The following ROPN1L variants were observed in gnomAD, a reference collection of about 807,000 sequenced individuals.
ROPN1L encodes rhophilin associated tail protein 1 like.
In ROPN1L, 23 loss-of-function variants were observed where a neutral mutation model predicts 22.7. The observed-to-expected ratio is 1.01, with a 90% CI of 0.73 to 1.43. The LOEUF (loss-of-function observed/expected upper bound fraction) is 1.43, where lower values mean the gene tolerates loss of function less well. Ranked by LOEUF, ROPN1L falls within the 40% of genes most tolerant of loss-of-function variation. The pLI is 0.00. For missense variants in ROPN1L, 271 were observed against 291.5 expected (o/e 0.93, Z 0.51); for synonymous variants, 116 against 117.8 (o/e 0.98, Z 0.10).
At chr5:10,466,228 T>G (rs897390578), downstream of ROPN1L, among the ~76,000 whole-genome samples, 28 of 152,328 alleles carry the variant, frequency 1.8e-4, no homozygotes, top group Non-Finnish European at 3.8e-4. Context: ...TGGGCCCCTC[T>G]AAAACTTAGA....
the ROPN1L span, among the ~76,000 whole-genome samples, chr5:10,477,852 C>A: frequency 2.4e-4 from 36 of 152,234 alleles, no homozygotes; most frequent in African/African-American, 8.4e-4. Context: ...ATCACTTGAG[C>A]CCGGGAGGCA....
chr5:10,472,864 A>G (rs990847505), downstream of ROPN1L, among the ~76,000 whole-genome samples: 1 of 152,220 alleles, frequency 6.6e-6, no homozygotes, highest in African/African-American at 2.4e-5. Context: ...TTAAGTTCCT[A>G]GTCCAACACC....
At chr5:10,468,363 C>T (rs149324777), downstream of ROPN1L, among the ~76,000 whole-genome samples, 13 of 152,300 alleles carry the variant, frequency 8.5e-5, no homozygotes, top group African/African-American at 1.7e-4. Flanking sequence ...CCTCATAAAC[C>T]GGATTCCTAA....
intron 3 of ROPN1L, among the ~76,000 whole-genome samples, chr5:10,457,168 T>C (rs1741447343): frequency 6.6e-6 from 1 of 152,162 alleles, no homozygotes; most frequent in Non-Finnish European, 1.5e-5. Flanking sequence ...TTCTGCACTT[T>C]TCCTAGAGAG....
Position 10,450,197 on chromosome 5 carries a change from G to A in ROPN1L, c.417+84G>A, listed in dbSNP as rs1285145437. The A allele has an allele frequency of 4.5e-6, 5 of 1,112,170 alleles. No individual in the cohort carries two copies. In the Admixed American group the frequency reaches 1.4e-4, roughly 30 times the overall value. 68.9% of individuals were successfully genotyped at this position (1,112,170 alleles called of 1,614,324 possible). On this transcript the variant is annotated intron_variant, in intron 3 of 4. Transcript: ENST00000274134. Reference sequence around the variant, plus strand: ...ATAATTTAGGTTTCAGTAACTAAAGGAAACACTTTAGTAACTTTGTCTTAG... The same window carrying A: ...ATAATTTAGGTTTCAGTAACTAAAGAAAACACTTTAGTAACTTTGTCTTAG...
At chr5:10,444,420 AACTGGGATT>A (rs1740989096) in intron 1 of ROPN1L, among the ~76,000 whole-genome samples, 1 of 152,008 alleles carries the variant, frequency 6.6e-6, no homozygotes, top group Non-Finnish European at 1.5e-5. Context: ...CCTCCCAAGT[AACTGGGATT>A]ACAGGCACTT....
chr5:10,451,023 G>C (rs1282292279), intron 3 of ROPN1L, among the ~76,000 whole-genome samples: 2 of 152,210 alleles, frequency 1.3e-5, no homozygotes, highest in Non-Finnish European at 2.9e-5. Context: ...GTGAGACATG[G>C]TGGTTGGGTG....
At chr5:10,457,425 C>T (rs919564355) in intron 3 of ROPN1L, among the ~76,000 whole-genome samples, 1 of 152,216 alleles carries the variant, frequency 6.6e-6, no homozygotes, top group African/African-American at 2.4e-5. Context: ...GCCCGCCTGG[C>T]GGCTGCTAGA....
chr5:10,479,109 G>T, the ROPN1L span, among the ~76,000 whole-genome samples: 1 of 151,640 alleles, frequency 6.6e-6, no homozygotes, highest in African/African-American at 2.4e-5. Context: ...TTATGGTAAC[G>T]TGTGTGAGTA....
At chr5:10,457,642 C>T (rs1390620469) in intron 3 of ROPN1L, among the ~76,000 whole-genome samples, 1 of 152,196 alleles carries the variant, frequency 6.6e-6, no homozygotes, top group African/African-American at 2.4e-5. Context: ...TTGCTCTGAC[C>T]ATGGTGTTCT....
chr5:10,474,328 C>T (rs11958916), downstream of ROPN1L, among the ~76,000 whole-genome samples: 47 of 152,236 alleles, frequency 3.1e-4, no homozygotes, highest in African/African-American at 7.2e-4. Context: ...AGGTACACAG[C>T]GGGACAGTAC....
intron 3 of ROPN1L, among the ~76,000 whole-genome samples, chr5:10,459,848 A>G (rs888757581): frequency 3.9e-5 from 6 of 152,190 alleles, no homozygotes; most frequent in African/African-American, 7.2e-5. Flanking sequence ...CCACATGAGC[A>G]GGCGTTAGGT....
chr5:10,458,625 T>TC (rs1734914860), intron 3 of ROPN1L, among the ~76,000 whole-genome samples: 1 of 32,460 alleles, frequency 3.1e-5, no homozygotes, highest in Non-Finnish European at 5.5e-5. Context: ...ATGTACATCA[T>TC]CCCCCCATGT....
Position 10,445,038 on chromosome 5 carries a change from T to C in ROPN1L, c.131+2740T>C, listed in dbSNP as rs930879794. Among the ~76,000 whole-genome samples the C allele has an allele frequency of 3.3e-5, 5 of 152,254 alleles. No individual in the cohort carries two copies. In the East Asian group the frequency reaches 7.8e-4, roughly 24 times the overall value. ...GGCCCAGGCTGGAGTGCACTGGTGC[T>C]ATCTAGGCTCACGGCAACCTCTGCC... On this transcript the variant is annotated intron_variant, in intron 1 of 4. Coordinates refer to ENST00000274134, the MANE Select transcript of ROPN1L (RefSeq NM_031916.5).
chr5:10,456,877 A>C (rs1741438262), intron 3 of ROPN1L, among the ~76,000 whole-genome samples: 3 of 152,170 alleles, frequency 2.0e-5, no homozygotes. Context: ...GGCGCGTTAC[A>C]CAGATCTCAT....
At chr5:10,450,764 A>G (rs1191061338) in intron 3 of ROPN1L, among the ~76,000 whole-genome samples, 2 of 152,184 alleles carry the variant, frequency 1.3e-5, no homozygotes, top group Non-Finnish European at 2.9e-5. Context: ...TTGGCCTCCC[A>G]AAGTGTTGGG....
At position 10,465,014 on chromosome 5, in the gene ROPN1L, A is replaced by G; in HGVS notation, c.*67A>G. ...AAAATTCTGGCACCAAATACAACTT[A>G]CCCTGAATCACACACCTCTGTAGTG... On this transcript the variant is annotated 3_prime_UTR_variant, in exon 5 of 5. Coordinates refer to ENST00000274134, the MANE Select transcript of ROPN1L (RefSeq NM_031916.5). 1.1e-6 allele frequency: 1 copy of G among 877,924 alleles called. No individual in the cohort carries two copies. The highest frequency in any genetic ancestry group is 1.8e-6 in the Non-Finnish European group (1 of 552,504). 54.4% of individuals were successfully genotyped at this position (877,924 alleles called of 1,614,324 possible). A position where few individuals can be genotyped will look rare whatever the true frequency, so the allele number is the denominator to read the frequency against.
chr5:10,446,019 A>G (rs1191823349), intron 1 of ROPN1L, among the ~76,000 whole-genome samples: 1 of 152,256 alleles, frequency 6.6e-6, no homozygotes, highest in Non-Finnish European at 1.5e-5. Flanking sequence ...CAGGTGGGCA[A>G]ATATCAAAGA....
chr5:10,453,267 T>C (rs1741310191), intron 3 of ROPN1L, among the ~76,000 whole-genome samples: 1 of 152,130 alleles, frequency 6.6e-6, no homozygotes, highest in South Asian at 2.1e-4. Flanking sequence ...GGATGCCTGC[T>C]CTGCCCTGGC....
Sources: allele counts gnomAD v4.1 joint callset (sites outside exome capture counted in the v4.1 genomes callset), GRCh38; gene constraint gnomAD v4.1.1; transcripts MANE v1.5; gene names NCBI Gene and HGNC (gene_info 2026-07-23, HGNC 2026-07-21).